The following SH3GL3 variants were observed in gnomAD, a reference collection of about 807,000 sequenced individuals.
The protein encoded by SH3GL3 is SH3 domain containing GRB2 like 3, endophilin A3.
A neutral mutation model predicts 47.7 loss-of-function variants in SH3GL3; 33 were observed. That is an observed-to-expected ratio of 0.69 (90% CI 0.52 to 0.92). The LOEUF (loss-of-function observed/expected upper bound fraction) is 0.92. Among genes scored for constraint, SH3GL3 ranks in the 40% least tolerant of loss-of-function variants. The pLI is 0.00. For synonymous variants in SH3GL3, 155 were observed against 148.8 expected (o/e 1.04, Z -0.30); for missense variants, 363 against 417.8 (o/e 0.87, Z 1.14).
chr15:83,628,444 C>T, the SH3GL3 span, among the ~76,000 whole-genome samples: 1 of 152,106 alleles, frequency 6.6e-6, no homozygotes, highest in Admixed American at 6.6e-5. Flanking sequence ...GGAGTAATGA[C>T]TATAAAGCAA....
At chr15:83,588,018 A>C (rs761544956) in intron 7 of SH3GL3, among the ~76,000 whole-genome samples, 12 of 152,222 alleles carry the variant, frequency 7.9e-5, no homozygotes, top group Non-Finnish European at 1.2e-4. Flanking sequence ...ATAAGAGTAG[A>C]GTGAGGGAGA....
At chr15:83,489,189 G>A (rs1007222403) in intron 1 of SH3GL3, 7 of 152,192 alleles carry the variant, frequency 4.6e-5, no homozygotes, top group Admixed American at 2.0e-4. Flanking sequence ...TGACTCCCAG[G>A]TTATGAGGCT....
chr15:83,463,896 G>C (rs1472333886), intron 1 of SH3GL3, among the ~76,000 whole-genome samples: 3 of 150,980 alleles, frequency 2.0e-5, no homozygotes, highest in African/African-American at 7.3e-5. Context: ...AGCCTCCCTA[G>C]TAGTTGAGAC....
intron 5 of SH3GL3, among the ~76,000 whole-genome samples, chr15:83,575,655 A>G (rs913224604): frequency 6.6e-6 from 1 of 152,204 alleles, no homozygotes; most frequent in East Asian, 1.9e-4. Flanking sequence ...CAGAGCAAAG[A>G]GAGAGATGTT....
intron 1 of SH3GL3, among the ~76,000 whole-genome samples, chr15:83,480,938 C>A (rs979555701): frequency 2.1e-4 from 32 of 152,178 alleles, no homozygotes; most frequent in African/African-American, 7.5e-4. Context: ...TTTATTGGTG[C>A]CTGCCTTCTT....
intron 8 of SH3GL3, among the ~76,000 whole-genome samples, chr15:83,611,190 C>T (rs1047608434): frequency 6.6e-6 from 1 of 151,892 alleles, no homozygotes; most frequent in Non-Finnish European, 1.5e-5. Flanking sequence ...CTACCTCCTA[C>T]TGTGTTACTG....
intron 7 of SH3GL3, among the ~76,000 whole-genome samples, chr15:83,587,524 GT>G (rs1361562815): frequency 1.9e-3 from 110 of 57,890 alleles, no homozygotes; most frequent in African/African-American, 6.4e-3. Context: ...GTAAATATCT[GT>G]AAAAAAAAAA....
At chr15:83,614,524 T>A (rs2060761864) in intron 8 of SH3GL3, among the ~76,000 whole-genome samples, 1 of 152,184 alleles carries the variant, frequency 6.6e-6, no homozygotes, top group South Asian at 2.1e-4. Context: ...CTTTAACGCT[T>A]CCTTAGGGGA....
intron 1 of SH3GL3, among the ~76,000 whole-genome samples, chr15:83,518,466 GATTTGC>G (rs1406649197): frequency 1.3e-5 from 2 of 152,102 alleles, no homozygotes; most frequent in Admixed American, 1.3e-4. Context: ...TTGTGGTTTT[GATTTGC>G]ATTTCTCTGA....
At chr15:83,585,510 G>A (rs2732159) in intron 6 of SH3GL3, among the ~76,000 whole-genome samples, 110,284 of 152,154 alleles carry the variant, frequency 0.72, 40,647 homozygotes, top group Admixed American at 0.81. Context: ...CATAGATTTT[G>A]CCAAGCACAC....
At chr15:83,565,053 T>G (rs1271480264) in intron 2 of SH3GL3, 81 bp from the exon 3 acceptor site, 1 of 607,864 alleles carries the variant, frequency 1.6e-6, no homozygotes, top group Non-Finnish European at 2.9e-6. Flanking sequence ...ATTAAATTAA[T>G]GAAAATTCCT....
At chr15:83,513,203 A>G (rs1183064672) in intron 1 of SH3GL3, among the ~76,000 whole-genome samples, 1 of 152,204 alleles carries the variant, frequency 6.6e-6, no homozygotes, top group Non-Finnish European at 1.5e-5. Context: ...GGTCTTTGAG[A>G]AGTTTTTTAA....
At chr15:83,506,463 T>G (rs2042507639) in intron 1 of SH3GL3, among the ~76,000 whole-genome samples, 1 of 152,216 alleles carries the variant, frequency 6.6e-6, no homozygotes, top group African/African-American at 2.4e-5. Flanking sequence ...TACTTGTAGT[T>G]GTTGTGCTCT....
At chr15:83,540,195 T>G (rs2151698456) in intron 1 of SH3GL3, among the ~76,000 whole-genome samples, 1 of 152,282 alleles carries the variant, frequency 6.6e-6, no homozygotes, top group African/African-American at 2.4e-5. Context: ...GTCTTTGAAA[T>G]TTTAGAAATG....
intron 1 of SH3GL3, among the ~76,000 whole-genome samples, chr15:83,463,244 A>G (rs543002604): frequency 6.6e-6 from 1 of 152,342 alleles, no homozygotes; most frequent in Admixed American, 6.5e-5. Context: ...ATCATTAGAC[A>G]TTCTTTAGAA....
At chr15:83,627,245 A>C in the SH3GL3 span, among the ~76,000 whole-genome samples, 3 of 152,016 alleles carry the variant, frequency 2.0e-5, no homozygotes, top group African/African-American at 2.4e-5. Flanking sequence ...AAAATACAAA[A>C]AATTAGCTGG....
intron 1 of SH3GL3, among the ~76,000 whole-genome samples, chr15:83,500,066 G>A (rs927488027): frequency 2.0e-5 from 3 of 152,162 alleles, no homozygotes; most frequent in Non-Finnish European, 4.4e-5. Context: ...ATGATAATGA[G>A]GGGCTGAACA....
intron 8 of SH3GL3, among the ~76,000 whole-genome samples, chr15:83,607,128 A>G (rs961414342): frequency 6.6e-6 from 1 of 152,184 alleles, no homozygotes. Flanking sequence ...CATAAATTCT[A>G]ACTTAGTTGT....
chr15:83,511,728 C>CT (rs1026768332), intron 1 of SH3GL3, among the ~76,000 whole-genome samples: 1 of 152,168 alleles, frequency 6.6e-6, no homozygotes, highest in African/African-American at 2.4e-5. Flanking sequence ...AATTTTCTCT[C>CT]TTTTCTCTCT....
Sources: gnomAD v4.1 joint callset for allele counts (sites outside exome capture counted in the v4.1 genomes callset) on GRCh38, gnomAD v4.1.1 for gene constraint, MANE v1.5 for transcripts, NCBI Gene and HGNC (gene_info 2026-07-23, HGNC 2026-07-21) for gene names.